TWF2: variants seen among roughly 807,000 people sequenced by gnomAD.
The protein encoded by TWF2 is twinfilin-2.
In TWF2, 15 loss-of-function variants were observed where a neutral mutation model predicts 45.1. The observed-to-expected ratio is 0.33, with a 90% CI of 0.22 to 0.51. The LOEUF (loss-of-function observed/expected upper bound fraction) is 0.51. Ranked by LOEUF, TWF2 falls within the 20% of genes least tolerant of loss-of-function variation. TWF2 has a pLI of 0.97. For synonymous variants in TWF2, 177 were observed against 195.8 expected (o/e 0.90, Z 0.80); for missense variants, 423 against 469.1 (o/e 0.90, Z 0.91).
chr3:52,233,511 T>C (rs1699697979), intron 2 of TWF2, among the ~76,000 whole-genome samples: 1 of 152,232 alleles, frequency 6.6e-6, no homozygotes, highest in Non-Finnish European at 1.5e-5. Context: ...GGAGCCATCC[T>C]CAATTGGAGA....
intron 1 of TWF2, among the ~76,000 whole-genome samples, chr3:52,238,786 G>A (rs1157159260): frequency 6.6e-6 from 1 of 152,180 alleles, no homozygotes; most frequent in Non-Finnish European, 1.5e-5. Context: ...CCCCAGTTGT[G>A]TACGTACACA....
At position 52,228,695 on chromosome 3, in the gene TWF2, A is replaced by C; in HGVS notation, c.*339T>G. On this transcript the variant is annotated 3_prime_UTR_variant, in exon 9 of 9. Coordinates refer to ENST00000305533, the MANE Select transcript of TWF2 (RefSeq NM_007284.4). The stretch of plus-strand genomic sequence containing the variant: ...GTGACCCCTGCCCCAGCCCTGACTG[A>C]CCCCACTTCTTGTGGCCAAAGGTTT... The C allele has an allele frequency of 6.4e-6, 2 of 314,204 alleles. No homozygotes were observed. Among genetic ancestry groups the C allele is most frequent in the Non-Finnish European group, 1.2e-5 (2 of 169,034 alleles). The allele number at this position is 314,204 out of a possible 1,614,324, so 19.5% of individuals were successfully genotyped here. A position where few individuals can be genotyped will look rare whatever the true frequency, so the allele number is the denominator to read the frequency against.
Position 52,231,220 on chromosome 3 carries a change from A to C in TWF2, c.390T>G (p.Ser130=). The stretch of plus-strand genomic sequence containing the variant: ...ACAGGTGTTTCTGGTACCCAGCAAA[A>C]GAGAGGTCATCCTGCAGGGGTGGGG... The part of the protein sequence containing the change: ...ELFGTVKDDL[S]FAGYQKHLSS... The change falls in exon 5 of 9, where the codon TCT becomes TCG. Residue 130 remains serine (S), a synonymous_variant. Coordinates refer to ENST00000305533, the MANE Select transcript of TWF2 (RefSeq NM_007284.4). 2 of 1,614,030 alleles carry C rather than the reference A, an allele frequency of 1.2e-6. No homozygotes were observed. The highest frequency in any genetic ancestry group is 1.7e-6 in the Non-Finnish European group (2 of 1,179,948).
intron 1 of TWF2, among the ~76,000 whole-genome samples, chr3:52,235,417 T>A: frequency 6.6e-6 from 1 of 152,172 alleles, no homozygotes; most frequent in African/African-American, 2.4e-5. Flanking sequence ...ATAGCCTCCA[T>A]CTGCCCCCTG....
intron 2 of TWF2, among the ~76,000 whole-genome samples, chr3:52,232,742 C>T (rs150670486): frequency 5.3e-5 from 8 of 152,320 alleles, no homozygotes; most frequent in African/African-American, 1.7e-4. Context: ...CCTTGCCGGG[C>T]GCGGTGGCTC....
At chr3:52,233,371 C>T (rs1488671452) in intron 2 of TWF2, among the ~76,000 whole-genome samples, 2 of 152,242 alleles carry the variant, frequency 1.3e-5, no homozygotes, top group African/African-American at 2.4e-5. Flanking sequence ...TGAGTAGTCA[C>T]GGCCTGTGTT....
intron 2 of TWF2, among the ~76,000 whole-genome samples, chr3:52,233,719 G>A (rs1329222849): frequency 6.6e-6 from 1 of 152,096 alleles, no homozygotes; most frequent in Non-Finnish European, 1.5e-5. Flanking sequence ...ACGAAGTCAG[G>A]AGATTGAGAC....
At chr3:52,229,342 T>G in intron 8 of TWF2, 141 bp from the exon 9 acceptor site, 1 of 1,259,230 alleles carries the variant, frequency 7.9e-7, no homozygotes, top group Admixed American at 2.8e-5. Flanking sequence ...ATTCCCCACC[T>G]GGAATGCCAC....
intron 1 of TWF2, among the ~76,000 whole-genome samples, chr3:52,237,955 C>T (rs906081396): frequency 6.6e-6 from 1 of 152,248 alleles, no homozygotes; most frequent in Admixed American, 6.5e-5. Context: ...CGGGCCTTCC[C>T]CACAGGCCAG....
intron 1 of TWF2, 40 bp downstream of exon 1, chr3:52,238,952 C>T: frequency 6.3e-7 from 1 of 1,584,606 alleles, no homozygotes; most frequent in Admixed American, 1.7e-5. Flanking sequence ...TTCCGAGAGC[C>T]CAGACCGAGG....
intron 8 of TWF2, 39 bp from the exon 9 acceptor site, chr3:52,229,240 G>A (rs1177721064): frequency 3.1e-6 from 5 of 1,600,180 alleles, no homozygotes; most frequent in Non-Finnish European, 4.2e-6. Context: ...AATGGGAGGG[G>A]CTCTGACACA....
rs352143 is a variant in TWF2, at chr3:52,230,891, T to C, written c.588A>G (p.Lys196=). 0.2 allele frequency: 321,336 copies of C among 1,609,484 alleles called. 34,934 individuals carry two copies. The highest frequency in any genetic ancestry group is 0.37 in the African/African-American group (27,540 of 74,600). Residue 196 remains lysine (K), a synonymous_variant, in exon 6 of 9, where the codon AAA becomes AAG. Coordinates refer to ENST00000305533, the MANE Select transcript of TWF2 (RefSeq NM_007284.4). ...CCACCATCTGGATGTAGTTGACCAT[T>C]TTCTGCTTGAGCTGCTGGAGTGCCC... is the stretch of plus-strand genomic sequence containing the variant. ...AQRALQQLKQ[K]MVNYIQMKLD... is the part of the protein sequence containing the mutation.
rs1250103876 is a variant in TWF2, at chr3:52,229,086, C to T, written c.998G>A (p.Arg333Gln). Residue 333 changes from arginine to glutamine, a missense_variant, in exon 9 of 9, where the codon CGG (arginine) becomes CAG (glutamine). By Grantham distance (43) the Arg-to-Gln change is conservative (BLOSUM62 1). Transcript: ENST00000305533. ...GCCGCGGATGAGGCGCTTATGGCCCCGCTTGCCCCCTGGGCCCTTGGGCTT... is the reference window on the plus strand; with the variant it reads ...GCCGCGGATGAGGCGCTTATGGCCCTGCTTGCCCCCTGGGCCCTTGGGCTT... Reference protein sequence around the residue: ...FAKPKGPGGKRGHKRLIRGPG... With the variant: ...FAKPKGPGGKQGHKRLIRGPG... The T allele has an allele frequency of 5.6e-6, 9 of 1,613,158 alleles. No individual in the cohort carries two copies. The highest frequency in any genetic ancestry group is 1.8e-4 in the Middle Eastern group (1 of 5,410).
At chr3:52,233,890 G>A (rs1167307935) in intron 2 of TWF2, among the ~76,000 whole-genome samples, 2 of 148,314 alleles carry the variant, frequency 1.3e-5, no homozygotes, top group East Asian at 2.0e-4. Context: ...CTCCAGCCTG[G>A]GTGACAGAGC....
At chr3:52,235,213 T>C (rs1699714296) in intron 1 of TWF2, 107 bp from the exon 2 acceptor site, 1 of 1,098,890 alleles carries the variant, frequency 9.1e-7, no homozygotes, top group Non-Finnish European at 1.3e-6. Context: ...GGGAACCAGG[T>C]TAAATACAGC....
chr3:52,232,327 G>GC (rs1160502020), intron 2 of TWF2: 4 of 639,886 alleles, frequency 6.3e-6, no homozygotes, highest in East Asian at 2.8e-5. Flanking sequence ...CCTGGGGGCT[G>GC]CCCCCCTGCA....
intron 2 of TWF2, among the ~76,000 whole-genome samples, chr3:52,234,299 T>G (rs1699705824): frequency 6.6e-6 from 1 of 152,028 alleles, no homozygotes; most frequent in Non-Finnish European, 1.5e-5. Flanking sequence ...AGTCCCAAAG[T>G]CTGTACCCCT....
chr3:52,229,349 C>T, intron 8 of TWF2, 148 bp from the exon 9 acceptor site: 1 of 1,233,246 alleles, frequency 8.1e-7, no homozygotes, highest in Non-Finnish European at 1.1e-6. Context: ...ACCTGGAATG[C>T]CACTCCCAGG....
intron 1 of TWF2, among the ~76,000 whole-genome samples, chr3:52,238,577 CCATT>C (rs1171924552): frequency 2.0e-5 from 3 of 152,190 alleles, no homozygotes; most frequent in African/African-American, 7.2e-5. Flanking sequence ...CCTACAGTGT[CCATT>C]CAAACAGTCA....
Sources: gnomAD v4.1 joint callset for allele counts (sites outside exome capture counted in the v4.1 genomes callset) on GRCh38, gnomAD v4.1.1 for gene constraint, MANE v1.5 for transcripts, NCBI Gene and HGNC (gene_info 2026-07-23, HGNC 2026-07-21) for gene names.